Variants in RSU1 observed in about 807,000 individuals in gnomAD.
RSU1 encodes rsu-1.
RSU1 carries 26 observed loss-of-function variants against 31.1 expected under a neutral mutation model. That is an observed-to-expected ratio of 0.84 (90% CI 0.61 to 1.16). The LOEUF (loss-of-function observed/expected upper bound fraction) is 1.16. RSU1 is among the 50% of genes most tolerant of loss of function. The pLI, the probability that RSU1 is intolerant of heterozygous loss-of-function variation, is 0.00. For synonymous variants in RSU1, 164 were observed against 136.3 expected (o/e 1.20, Z -1.41); for missense variants, 320 against 339.1 (o/e 0.94, Z 0.44).
chr10:16,715,441 TA>T (rs1361643681), intron 7 of RSU1, among the ~76,000 whole-genome samples: 1 of 152,254 alleles, frequency 6.6e-6, no homozygotes, highest in Non-Finnish European at 1.5e-5. Flanking sequence ...TTGTAGTTCT[TA>T]CATTTAGGTT....
chr10:16,695,164 G>GGGC lies in RSU1; in HGVS notation c.599-10_599-9insGCC, dbSNP rs770709561. The GGGC allele has an allele frequency of 1.9e-4, 272 of 1,459,830 alleles. 7 individuals are homozygous for GGGC. The highest frequency in any genetic ancestry group is 3.0e-4 in the Admixed American group (14 of 46,632). 90.4% of individuals were successfully genotyped at this position (1,459,830 alleles called of 1,614,324 possible). A position where few individuals can be genotyped will look rare whatever the true frequency, so the allele number is the denominator to read the frequency against. On this transcript the variant is annotated splice_polypyrimidine_tract_variant and intron_variant, in intron 7 of 8. Transcript: ENST00000345264. ...AGTTAAATCCAAGTTTCCTGGGGGG[G>GGGC]GGGAAAAAAAAAGTGAAGGTCACTT... is the stretch of plus-strand genomic sequence containing the variant.
Position 16,813,162 on chromosome 10 carries a change from C to T in RSU1, c.109+3811G>A, listed in dbSNP as rs115240309. 5.8e-3 allele frequency among the ~76,000 whole-genome samples: 882 copies of T among 152,202 alleles called. 11 individuals are homozygous for T. The highest frequency in any genetic ancestry group is 0.02 in the African/African-American group (816 of 41,520). On this transcript the variant is annotated intron_variant, in intron 2 of 8. Coordinates refer to ENST00000345264, the MANE Select transcript of RSU1 (RefSeq NM_012425.4). The stretch of plus-strand genomic sequence containing the variant: ...AATTTTTTGTAGAGATGGGGTCTCA[C>T]TCTATTGCCCACACTGGTGTTCTTG...
intron 7 of RSU1, among the ~76,000 whole-genome samples, chr10:16,743,359 T>C (rs769605960): frequency 7.2e-5 from 11 of 152,194 alleles, no homozygotes; most frequent in Non-Finnish European, 1.3e-4. Context: ...AACGTGGCCT[T>C]AGGCAAGTCA....
rs150604177 is a variant in RSU1, at chr10:16,764,500, C to T, written c.171G>A (p.Pro57=). 3.3e-5 allele frequency: 54 copies of T among 1,613,056 alleles called. No homozygotes were observed. The highest frequency in any genetic ancestry group is 4.0e-5 in the African/African-American group (3 of 74,966). ...CCAAATTCTTCAGTTCTGCGATGTT[C>T]GGTGGCACCACTATGGAAACAAAAA... is the stretch of plus-strand genomic sequence containing the variant. ...LSHNKLTMVP[P]NIAELKNLEV... Residue 57 remains proline, a synonymous_variant, in exon 4 of 9, where the codon CCG becomes CCA. Transcript: ENST00000345264.
chr10:16,795,913 A>T (rs765419414), intron 2 of RSU1, among the ~76,000 whole-genome samples: 4 of 151,994 alleles, frequency 2.6e-5, no homozygotes, highest in Non-Finnish European at 4.4e-5. Flanking sequence ...ATCACTCTCC[A>T]TTCTCCGCTT....
At chr10:16,639,446 G>A (rs952266163) in intron 8 of RSU1, among the ~76,000 whole-genome samples, 5 of 152,128 alleles carry the variant, frequency 3.3e-5, no homozygotes, top group Non-Finnish European at 7.3e-5. Flanking sequence ...CTGTTCTAAG[G>A]CAATCCTATT....
At chr10:16,712,130 T>C (rs1315591209) in intron 7 of RSU1, among the ~76,000 whole-genome samples, 1 of 152,178 alleles carries the variant, frequency 6.6e-6, no homozygotes. Context: ...CTGTCTTATC[T>C]GATACAATTA....
At chr10:16,623,641 G>C (rs1388312392) in intron 8 of RSU1, among the ~76,000 whole-genome samples, 1 of 152,112 alleles carries the variant, frequency 6.6e-6, no homozygotes, top group East Asian at 1.9e-4. Context: ...ATTCCCACCA[G>C]CAGTATATAA....
chr10:16,782,113 A>T (rs773004413), intron 2 of RSU1, 29 bp from the exon 3 acceptor site: 1 of 1,582,152 alleles, frequency 6.3e-7, no homozygotes, highest in Non-Finnish European at 8.7e-7. Flanking sequence ...AAAAAAGGTC[A>T]GTCAGTAAAT....
chr10:16,722,894 G>GTATA (rs763164148), intron 7 of RSU1, among the ~76,000 whole-genome samples: 3 of 143,372 alleles, frequency 2.1e-5, no homozygotes, highest in East Asian at 2.2e-4. Flanking sequence ...ATACATATAT[G>GTATA]TATATATACA....
At chr10:16,739,452 T>C (rs561359509) in intron 7 of RSU1, among the ~76,000 whole-genome samples, 33 of 149,750 alleles carry the variant, frequency 2.2e-4, no homozygotes, top group African/African-American at 7.1e-4. Flanking sequence ...TTGCAAGAAA[T>C]GTACATTTTC....
intron 2 of RSU1, among the ~76,000 whole-genome samples, chr10:16,786,845 G>A (rs1233242944): frequency 6.6e-6 from 1 of 152,166 alleles, no homozygotes; most frequent in African/African-American, 2.4e-5. Context: ...GTGAAACCGG[G>A]ACAGCTCTGT....
At chr10:16,675,488 T>C (rs1245721890) in intron 8 of RSU1, among the ~76,000 whole-genome samples, 1 of 152,078 alleles carries the variant, frequency 6.6e-6, no homozygotes, top group Admixed American at 6.5e-5. Context: ...TATTGCTCTG[T>C]GGACAGTAAC....
intron 8 of RSU1, among the ~76,000 whole-genome samples, chr10:16,616,322 G>C (rs749043246): frequency 8.0e-6 from 1 of 125,124 alleles, no homozygotes; most frequent in Non-Finnish European, 1.6e-5. Context: ...TCTCTGAAGA[G>C]ACCAATAACA....
chr10:16,780,262 C>T (rs1267838537), intron 3 of RSU1, among the ~76,000 whole-genome samples: 1 of 152,182 alleles, frequency 6.6e-6, no homozygotes, highest in Non-Finnish European at 1.5e-5. Flanking sequence ...AAAGGTTTTG[C>T]TTTCTTCCTG....
chr10:16,719,804 C>G (rs1836218141), intron 7 of RSU1, among the ~76,000 whole-genome samples: 1 of 152,180 alleles, frequency 6.6e-6, no homozygotes. Flanking sequence ...GTTTCCTTAC[C>G]AGCTTCTCTC....
chr10:16,720,108 C>T (rs1192590158), intron 7 of RSU1, among the ~76,000 whole-genome samples: 1 of 152,202 alleles, frequency 6.6e-6, no homozygotes, highest in Non-Finnish European at 1.5e-5. Flanking sequence ...TCTGAAGGGA[C>T]ATTTGCTTTC....
intron 8 of RSU1, among the ~76,000 whole-genome samples, chr10:16,595,204 G>C (rs56977774): frequency 2.8e-3 from 428 of 152,344 alleles, no homozygotes; most frequent in African/African-American, 9.3e-3. Context: ...ATGAGCCACT[G>C]TGCCTGGCGT....
chr10:16,769,234 C>G (rs994274109), intron 3 of RSU1, among the ~76,000 whole-genome samples: 6 of 152,218 alleles, frequency 3.9e-5, no homozygotes, highest in African/African-American at 1.4e-4. Flanking sequence ...ACCAACAACT[C>G]AAAGCATTTT....
Sources: gnomAD v4.1 joint callset for allele counts (sites outside exome capture counted in the v4.1 genomes callset) on GRCh38, gnomAD v4.1.1 for gene constraint, MANE v1.5 for transcripts, NCBI Gene and HGNC (gene_info 2026-07-23, HGNC 2026-07-21) for gene names.